The following MRPS6 variants were observed in gnomAD, a reference collection of about 807,000 sequenced individuals.
MRPS6 encodes mitochondrial ribosomal protein S6.
MRPS6 carries 6 observed loss-of-function variants against 13.1 expected under a neutral mutation model. The ratio of observed to expected loss-of-function variants is 0.46; its 90% CI spans 0.25 to 0.91. The LOEUF is 0.91. Among genes scored for constraint, MRPS6 ranks in the 40% least tolerant of loss-of-function variants. MRPS6 has a pLI of 0.18. For synonymous variants in MRPS6, 61 were observed against 56.5 expected, an observed-to-expected ratio of 1.08 and a Z score of -0.36; for missense variants, 164 against 155.6, an observed-to-expected ratio of 1.05 and a Z score of -0.29.
At chr21:34,076,723 G>A (rs1989341620) in intron 1 of MRPS6, among the ~76,000 whole-genome samples, 1 of 152,180 alleles carries the variant, frequency 6.6e-6, no homozygotes, top group South Asian at 2.1e-4. Flanking sequence ...TGACGGTAAA[G>A]TAATGGATGT....
At chr21:34,095,803 T>A (rs747280051) in intron 1 of MRPS6, 6 of 1,613,972 alleles carry the variant, frequency 3.7e-6, no homozygotes, top group Admixed American at 3.3e-5. Flanking sequence ...CTTATGATTA[T>A]TAGCATAATG....
At chr21:34,132,645 C>T (rs958917357) in intron 2 of MRPS6, among the ~76,000 whole-genome samples, 1 of 152,198 alleles carries the variant, frequency 6.6e-6, no homozygotes, top group African/African-American at 2.4e-5. Flanking sequence ...ATACAGTATA[C>T]AGAGTGGGGA....
At position 34,096,269 on chromosome 21, in the gene MRPS6, G is replaced by A; in HGVS notation, c.45+22524G>A. The A allele has an allele frequency of 6.2e-7, 1 of 1,614,152 alleles. No homozygotes were observed. Among genetic ancestry groups the A allele is most frequent in the Non-Finnish European group, 8.5e-7 (1 of 1,180,016 alleles). Reference sequence around the variant, plus strand: ...TTGCTTACCCACGCCTGGTGATGAAGCTGGTTCCTGTGGGCCTTCGGGGTT... The same window carrying A: ...TTGCTTACCCACGCCTGGTGATGAAACTGGTTCCTGTGGGCCTTCGGGGTT... On this transcript the variant is annotated intron_variant, in intron 1 of 2. Coordinates refer to ENST00000399312, the MANE Select transcript of MRPS6 (RefSeq NM_032476.4). The surrounding 1 kb of genome is among the most constrained non-coding windows in gnomAD (Gnocchi z 5.9).
At position 34,096,450 on chromosome 21, in the gene MRPS6, A is replaced by G. The variant is rs764604067; in HGVS notation, c.45+22705A>G. 6.2e-7 allele frequency: 1 copy of G among 1,614,156 alleles called. No individual in the cohort carries two copies. Among genetic ancestry groups the G allele is most frequent in the Non-Finnish European group, 8.5e-7 (1 of 1,180,016 alleles). ...TGTGGGGAGGATATTTGTGGCATTT[A>G]TGGTGGTGATCAGCATAGCATGGGT... On this transcript the variant is annotated intron_variant, in intron 1 of 2. Transcript: ENST00000399312. The surrounding 1 kb of genome is among the most constrained non-coding windows in gnomAD (Gnocchi z 5.9).
intron 1 of MRPS6, among the ~76,000 whole-genome samples, chr21:34,091,652 C>CG (rs1167186857): frequency 1.3e-5 from 2 of 152,218 alleles, no homozygotes; most frequent in Admixed American, 6.5e-5. Flanking sequence ...TATCCAGATG[C>CG]GTGGAATAGA....
At chr21:34,104,380 C>G (rs1979383821) in intron 1 of MRPS6, 3 of 1,000,086 alleles carry the variant, frequency 3.0e-6, no homozygotes, top group Non-Finnish European at 3.6e-6. Context: ...CTCACTTCAC[C>G]TCCGAGTAGC....
chr21:34,087,734 G>C (rs531600504), intron 1 of MRPS6, among the ~76,000 whole-genome samples: 1 of 152,358 alleles, frequency 6.6e-6, no homozygotes, highest in Admixed American at 6.5e-5. Flanking sequence ...AGGGTTGACT[G>C]CTTGCTGTGC....
intron 1 of MRPS6, chr21:34,097,409 G>GA (rs35685523): frequency 1 from 1,502,303 of 1,502,558 alleles, 751,024 homozygotes; most frequent in Middle Eastern, 1. Flanking sequence ...GGTCTTTGGG[G>GA]AAAAAAGTTA....
At chr21:34,108,730 C>T (rs1265794386) in intron 1 of MRPS6, among the ~76,000 whole-genome samples, 1 of 152,180 alleles carries the variant, frequency 6.6e-6, no homozygotes, top group Non-Finnish European at 1.5e-5. Context: ...GCAACTTTGG[C>T]TGAATGTAGA....
rs1203365775 is a variant in MRPS6, at chr21:34,124,051, C to G, written c.46-1290C>G. The stretch of plus-strand genomic sequence containing the variant: ...CCTTTCCTCTCCCCCTCCACCCTTT[C>G]TATTGATCTCACCTCCTTCTCAGGC... On this transcript the variant is annotated intron_variant, in intron 1 of 2. Coordinates refer to ENST00000399312, the MANE Select transcript of MRPS6 (RefSeq NM_032476.4). The G allele has an allele frequency of 2.0e-5, 3 of 152,270 alleles. No homozygotes were observed. The East Asian group carries it at 5.8e-4, about 29-fold the overall frequency. The allele number at this position is 152,270 out of a possible 1,614,324, so 9.4% of individuals were successfully genotyped here. A position where few individuals can be genotyped will look rare whatever the true frequency, so the allele number is the denominator to read the frequency against.
At chr21:34,077,063 C>A (rs150312308) in intron 1 of MRPS6, among the ~76,000 whole-genome samples, 61 of 152,290 alleles carry the variant, frequency 4.0e-4, no homozygotes, top group African/African-American at 1.4e-3. Flanking sequence ...CCCTGCCCCC[C>A]CTGCAATGAG....
intron 1 of MRPS6, among the ~76,000 whole-genome samples, chr21:34,081,010 T>C (rs1157114980): frequency 1.3e-5 from 2 of 152,130 alleles, no homozygotes; most frequent in Non-Finnish European, 2.9e-5. Flanking sequence ...ATGAAATGAG[T>C]GCAAACCTTT....
chr21:34,110,534 A>G (rs1035763468), intron 1 of MRPS6, among the ~76,000 whole-genome samples: 4 of 152,218 alleles, frequency 2.6e-5, no homozygotes, highest in Non-Finnish European at 5.9e-5. Flanking sequence ...TACAATGTGT[A>G]TTGAATACCA....
At chr21:34,106,202 AATT>A (rs1438567789) in intron 1 of MRPS6, 1 of 975,982 alleles carries the variant, frequency 1.0e-6, no homozygotes, top group African/African-American at 1.8e-5. Flanking sequence ...GAAGTATAGT[AATT>A]ATTTTATGGA....
In MRPS6 at chr21:34,118,117, G is replaced by A. The variant is rs756681592; in HGVS notation, c.46-7224G>A. Among the ~76,000 whole-genome samples the A allele has an allele frequency of 9.9e-4, 151 of 152,012 alleles. 1 individual carries two copies. The highest frequency in any genetic ancestry group is 1.3e-3 in the Non-Finnish European group (87 of 67,992). The stretch of plus-strand genomic sequence containing the variant: ...CACACAGCATTGGTTTATTCAAAGA[G>A]TTTTTCTCTGCATTACACTATTATT... On this transcript the variant is annotated intron_variant, in intron 1 of 2. Coordinates refer to ENST00000399312, the MANE Select transcript of MRPS6 (RefSeq NM_032476.4).
intron 1 of MRPS6, among the ~76,000 whole-genome samples, chr21:34,113,331 C>T (rs1979778367): frequency 6.6e-6 from 1 of 152,240 alleles, no homozygotes; most frequent in Admixed American, 6.5e-5. Flanking sequence ...ACCTAAGTGT[C>T]CATCAGTGGA....
chr21:34,096,286 T>C lies in MRPS6; in HGVS notation c.45+22541T>C. The C allele has an allele frequency of 6.2e-7, 1 of 1,614,148 alleles. No individual in the cohort carries two copies. Among genetic ancestry groups the C allele is most frequent in the Non-Finnish European group, 8.5e-7 (1 of 1,180,010 alleles). On this transcript the variant is annotated intron_variant, in intron 1 of 2. Coordinates refer to ENST00000399312, the MANE Select transcript of MRPS6 (RefSeq NM_032476.4). The surrounding 1 kb of genome is among the most constrained non-coding windows in gnomAD (Gnocchi z 5.9). ...GTGATGAAGCTGGTTCCTGTGGGCC[T>C]TCGGGGTTTAATGATGGCAGTGATG...
chr21:34,135,945 C>T, intron 2 of MRPS6: 1 of 416,800 alleles, frequency 2.4e-6, no homozygotes, highest in Non-Finnish European at 4.6e-6. Context: ...TGGAATCCTG[C>T]AGGGAAATGT....
At chr21:34,075,222 C>T (rs1326916386) in intron 1 of MRPS6, among the ~76,000 whole-genome samples, 4 of 152,190 alleles carry the variant, frequency 2.6e-5, no homozygotes, top group Non-Finnish European at 5.9e-5. Context: ...CTTTTGTTTA[C>T]TTTCCTTGTC....
Sources: allele counts gnomAD v4.1 joint callset (sites outside exome capture counted in the v4.1 genomes callset), GRCh38; gene constraint gnomAD v4.1.1; non-coding constraint Gnocchi (gnomAD v3.1); transcripts MANE v1.5; gene names NCBI Gene and HGNC (gene_info 2026-07-23, HGNC 2026-07-21).